PTPRD: variants seen among roughly 807,000 people sequenced by gnomAD.
PTPRD encodes the protein protein tyrosine phosphatase receptor type D.
PTPRD carries 34 observed loss-of-function variants against 214.5 expected under a neutral mutation model. The ratio of observed to expected loss-of-function variants is 0.16; its 90% confidence interval spans 0.12 to 0.21. The LOEUF (loss-of-function observed/expected upper bound fraction) is 0.21, where lower values mean the gene tolerates loss of function less well. PTPRD is among the 10% of genes least tolerant of loss of function. The pLI is 1.00. For missense variants in PTPRD, 2,545 were observed against 2,398.7 expected (o/e 1.06, Z -1.27); for synonymous variants, 1,128 against 845.7 (o/e 1.33, Z -5.79).
At chr9:8,589,202 T>C (rs756923403) in intron 14 of PTPRD, among the ~76,000 whole-genome samples, 1 of 152,212 alleles carries the variant, frequency 6.6e-6, no homozygotes, top group South Asian at 2.1e-4. Flanking sequence ...GTTGCTGTGC[T>C]GATCAAATCA....
chr9:9,623,983 G>A (rs2095333975), intron 7 of PTPRD, among the ~76,000 whole-genome samples: 1 of 152,040 alleles, frequency 6.6e-6, no homozygotes, highest in Non-Finnish European at 1.5e-5. Context: ...TGTGGGTCTG[G>A]AAACTCAAAA....
chr9:9,975,141 CATT>C (rs1427374575), intron 4 of PTPRD, among the ~76,000 whole-genome samples: 1 of 152,080 alleles, frequency 6.6e-6, no homozygotes, highest in Non-Finnish European at 1.5e-5. Flanking sequence ...ACAGAGGGCA[CATT>C]ATTATGTTGA....
intron 2 of PTPRD, among the ~76,000 whole-genome samples, chr9:10,394,297 A>G (rs1328821311): frequency 6.7e-6 from 1 of 149,800 alleles, no homozygotes; most frequent in Non-Finnish European, 1.5e-5. Flanking sequence ...TTGCCTCAAC[A>G]TACTTCTTTT....
intron 5 of PTPRD, among the ~76,000 whole-genome samples, chr9:9,907,092 G>C (rs10491912): frequency 0.032 from 4,829 of 151,916 alleles, 100 homozygotes; most frequent in Non-Finnish European, 0.035. Flanking sequence ...AGTTCCTAAT[G>C]ATGAGAGGAG....
chr9:9,641,180 G>T (rs1290474892), intron 7 of PTPRD, among the ~76,000 whole-genome samples: 5 of 139,518 alleles, frequency 3.6e-5, no homozygotes, highest in African/African-American at 9.9e-5. Context: ...AGCAAATGTA[G>T]CTCCTTGAGT....
At chr9:8,648,263 A>G (rs1596026847) in intron 12 of PTPRD, among the ~76,000 whole-genome samples, 1 of 152,350 alleles carries the variant, frequency 6.6e-6, no homozygotes, top group South Asian at 2.1e-4. Flanking sequence ...TTTATTTAAT[A>G]AACAGTCATG....
chr9:9,249,491 T>C (rs993270816), intron 9 of PTPRD, among the ~76,000 whole-genome samples: 1 of 152,116 alleles, frequency 6.6e-6, no homozygotes, highest in East Asian at 1.9e-4. Context: ...AAATTTGTCT[T>C]GACCAAATCA....
intron 3 of PTPRD, among the ~76,000 whole-genome samples, chr9:10,140,240 A>T (rs1213170593): frequency 6.6e-6 from 1 of 152,028 alleles, no homozygotes; most frequent in East Asian, 1.9e-4. Flanking sequence ...CAATAAGCAA[A>T]AAACAAATAA....
At chr9:8,974,205 A>G (rs2099255363) in intron 11 of PTPRD, among the ~76,000 whole-genome samples, 1 of 152,028 alleles carries the variant, frequency 6.6e-6, no homozygotes, top group Non-Finnish European at 1.5e-5. Flanking sequence ...TCTTTAACCC[A>G]TTCTGAGTTA....
chr9:8,559,285 A>G (rs1337348956), intron 14 of PTPRD, among the ~76,000 whole-genome samples: 3 of 152,194 alleles, frequency 2.0e-5, no homozygotes, highest in African/African-American at 7.2e-5. Flanking sequence ...ACAAAGAGAA[A>G]TGTTTGCAGT....
Position 10,565,221 on chromosome 9 carries a change from C to A in PTPRD, c.-600+47177G>T, listed in dbSNP as rs180958434. 2.8e-3 allele frequency among the ~76,000 whole-genome samples: 422 copies of A among 152,058 alleles called. 2 individuals carry two copies. The highest frequency in any genetic ancestry group is 9.6e-3 in the African/African-American group (399 of 41,532). On this transcript the variant is annotated intron_variant, in intron 2 of 45. Transcript: ENST00000381196. ...TTCACCAAAAGACCCTATCATCTGC[C>A]AAATCATTCAAACAGAAACTTAAAA... is the stretch of plus-strand genomic sequence containing the variant.
chr9:9,437,509 A>G (rs1382072511), intron 8 of PTPRD, among the ~76,000 whole-genome samples: 1 of 152,140 alleles, frequency 6.6e-6, no homozygotes, highest in African/African-American at 2.4e-5. Context: ...TTAAAATTTC[A>G]TAACTACATT....
chr9:9,623,373 G>T (rs2095312867), intron 7 of PTPRD, among the ~76,000 whole-genome samples: 1 of 152,064 alleles, frequency 6.6e-6, no homozygotes, highest in Non-Finnish European at 1.5e-5. Flanking sequence ...TCAAAATGAT[G>T]TTTTCACTTT....
chr9:9,984,326 A>G (rs1257185260), intron 4 of PTPRD, among the ~76,000 whole-genome samples: 2 of 152,326 alleles, frequency 1.3e-5, no homozygotes, highest in East Asian at 1.9e-4. Flanking sequence ...CTGGTACTCT[A>G]GGACTGGGAA....
intron 11 of PTPRD, among the ~76,000 whole-genome samples, chr9:8,837,177 G>C (rs994268028): frequency 6.6e-6 from 1 of 151,752 alleles, no homozygotes; most frequent in Non-Finnish European, 1.5e-5. Flanking sequence ...ACCATGACCA[G>C]CTAATTTTTG....
chr9:9,402,438 A>C (rs1288760526), intron 8 of PTPRD, among the ~76,000 whole-genome samples: 2 of 152,236 alleles, frequency 1.3e-5, no homozygotes, highest in East Asian at 3.9e-4. Context: ...AGATTTAACA[A>C]AAAATTTCTT....
chr9:10,512,549 T>A (rs1222395489), intron 2 of PTPRD, among the ~76,000 whole-genome samples: 8 of 152,162 alleles, frequency 5.3e-5, no homozygotes, highest in Non-Finnish European at 1.2e-4. Context: ...TTTATTTAAT[T>A]TCTACTTTAA....
chr9:10,488,099 G>T (rs1224247415), intron 2 of PTPRD, among the ~76,000 whole-genome samples: 1 of 151,740 alleles, frequency 6.6e-6, no homozygotes, highest in Admixed American at 6.6e-5. Context: ...TGGGCATGGT[G>T]GCTCGCGCCT....
At chr9:8,507,778 T>G (rs2097571901) in intron 21 of PTPRD, among the ~76,000 whole-genome samples, 2 of 152,228 alleles carry the variant, frequency 1.3e-5, no homozygotes, top group African/African-American at 4.8e-5. Flanking sequence ...CTTGAAATAT[T>G]GCCAAAAGCA....
Sources: gnomAD v4.1 joint callset for allele counts (sites outside exome capture counted in the v4.1 genomes callset) on GRCh38, gnomAD v4.1.1 for gene constraint, MANE v1.5 for transcripts, NCBI Gene and HGNC (gene_info 2026-07-23, HGNC 2026-07-21) for gene names.